The following FBN1 variants were observed in gnomAD, a reference collection of about 807,000 sequenced individuals.
FBN1 encodes fibrillin-1.
Under a neutral mutation model 365.1 loss-of-function variants are expected in FBN1, and 29 were observed. The ratio of observed to expected loss-of-function variants is 0.08; its 90% confidence interval spans 0.06 to 0.11. The LOEUF is 0.11. Among genes scored for constraint, FBN1 ranks in the 10% least tolerant of loss-of-function variants. The pLI, the probability that FBN1 is intolerant of heterozygous loss-of-function variation, is 1.00. For synonymous variants in FBN1, 1,210 were observed against 1,270.5 expected (o/e 0.95, Z 1.01); for missense variants, 2,476 against 3,703.2 (o/e 0.67, Z 8.60).
In FBN1 at chr15:48,629,685, T is replaced by C. The variant is rs891667682; in HGVS notation, c.164+14921A>G. On this transcript the variant is annotated intron_variant, in intron 2 of 65. Transcript: ENST00000316623. Reference sequence around the variant, plus strand: ...GAGAGAAGAAGTAGATAAAACAAGATTGACCATTAATTGATAAATGCTGAA... The same window carrying C: ...GAGAGAAGAAGTAGATAAAACAAGACTGACCATTAATTGATAAATGCTGAA... Among the ~76,000 whole-genome samples the C allele has an allele frequency of 3.9e-5, 6 of 152,202 alleles. 1 individual carries two copies. The highest frequency in any genetic ancestry group is 6.5e-5 in the Admixed American group (1 of 15,278).
intron 2 of FBN1, among the ~76,000 whole-genome samples, chr15:48,624,978 T>TA (rs1294211145): frequency 1.3e-5 from 2 of 152,124 alleles, no homozygotes; most frequent in Non-Finnish European, 2.9e-5. Context: ...AGGGAGATAA[T>TA]ATCTTCTGAA....
At chr15:48,571,762 T>A (rs972516931) in intron 6 of FBN1, among the ~76,000 whole-genome samples, 1 of 152,138 alleles carries the variant, frequency 6.6e-6, no homozygotes, top group Non-Finnish European at 1.5e-5. Context: ...CTCCAACAAT[T>A]TCACTCCATT....
rs202216019 is a variant in FBN1 at position 48,625,530 on chromosome 15, AC to A, written c.165-12439del. On this transcript the variant is annotated intron_variant, in intron 2 of 65. Coordinates refer to ENST00000316623, the MANE Select transcript of FBN1 (RefSeq NM_000138.5). ...CACCCTTCTGGACCCCCTGCATGAG[AC>A]CATCAGGGCCAATACAGGACATCCA... Among the ~76,000 whole-genome samples the A allele has an allele frequency of 6.5e-3, 989 of 152,256 alleles. 10 individuals carry two copies. Among genetic ancestry groups the A allele is most frequent in the African/African-American group, 0.023 (939 of 41,540 alleles).
At chr15:48,640,929 G>A (rs1311927233) in intron 2 of FBN1, 1 of 149,116 alleles carries the variant, frequency 6.7e-6, no homozygotes, top group Non-Finnish European at 1.5e-5. Flanking sequence ...CACACTTTTT[G>A]CCTAATCACC....
At chr15:48,415,117 A>T (rs2042891937) in intron 64 of FBN1, among the ~76,000 whole-genome samples, 1 of 152,148 alleles carries the variant, frequency 6.6e-6, no homozygotes, top group South Asian at 2.1e-4. Context: ...ACTTATTCTA[A>T]CAGGAGCTAG....
intron 29 of FBN1, among the ~76,000 whole-genome samples, chr15:48,486,609 T>C (rs925165088): frequency 1.3e-5 from 2 of 152,232 alleles, no homozygotes; most frequent in Non-Finnish European, 2.9e-5. Flanking sequence ...AGTTATTTTT[T>C]TGAAATCTTT....
intron 2 of FBN1, among the ~76,000 whole-genome samples, chr15:48,639,530 A>G (rs1196561284): frequency 6.6e-6 from 1 of 152,210 alleles, no homozygotes; most frequent in East Asian, 1.9e-4. Context: ...CCTTCCACAG[A>G]ACTAAACTCA....
At chr15:48,520,280 T>C (rs145691643) in intron 10 of FBN1, among the ~76,000 whole-genome samples, 2,579 of 151,420 alleles carry the variant, frequency 0.017, 26 homozygotes, top group Non-Finnish European at 0.025. Context: ...AAGAGTCCAA[T>C]GTTAGGAAAA....
intron 48 of FBN1, among the ~76,000 whole-genome samples, chr15:48,445,157 CATATATATAT>C (rs1023878846): frequency 7.4e-5 from 10 of 135,272 alleles, no homozygotes; most frequent in South Asian, 2.5e-4. Context: ...TATATATATA[CATATATATAT>C]ACACACATAT....
chr15:48,418,299 A>G (rs978786591), intron 63 of FBN1, among the ~76,000 whole-genome samples: 2 of 152,152 alleles, frequency 1.3e-5, no homozygotes, highest in Non-Finnish European at 2.9e-5. Context: ...GGTTCTTTTT[A>G]ACTTTGAGCA....
At chr15:48,446,552 G>A (rs1041689799) in intron 47 of FBN1, among the ~76,000 whole-genome samples, 154 bp downstream of exon 47, 3 of 152,156 alleles carry the variant, frequency 2.0e-5, no homozygotes, top group Non-Finnish European at 2.9e-5. Flanking sequence ...ATTTCATGTT[G>A]AGCACATTGT....
intron 64 of FBN1, among the ~76,000 whole-genome samples, chr15:48,414,395 GGT>G (rs1471598657): frequency 1.3e-5 from 2 of 151,970 alleles, no homozygotes; most frequent in Non-Finnish European, 2.9e-5. Flanking sequence ...TGTGTGTGGG[GGT>G]GTGTGTGTAC....
Position 48,644,603 on chromosome 15 carries a change from T to C in FBN1, c.164+3A>G. On this transcript the variant is annotated splice_donor_region_variant and intron_variant, in intron 2 of 65. Coordinates refer to ENST00000316623, the MANE Select transcript of FBN1 (RefSeq NM_000138.5). ...CACCAAAGGAGGGAACCGGTTCCTT[T>C]ACCCTTTAAGCGCGTCGTGTCCTCC... 6.2e-7 allele frequency: 1 copy of C among 1,614,128 alleles called. No individual in the cohort carries two copies. Among genetic ancestry groups the C allele is most frequent in the Non-Finnish European group, 8.5e-7 (1 of 1,180,012 alleles).
intron 2 of FBN1, among the ~76,000 whole-genome samples, chr15:48,636,534 G>T (rs1890095317): frequency 6.6e-6 from 1 of 151,780 alleles, no homozygotes. Flanking sequence ...CTCCCCATTT[G>T]AAAAAAAACA....
intron 15 of FBN1, 127 bp from the exon 16 acceptor site, chr15:48,505,274 A>C (rs1323189138): frequency 2.7e-6 from 3 of 1,104,548 alleles, no homozygotes; most frequent in African/African-American, 1.6e-5. Flanking sequence ...TCAGCAACAA[A>C]AGCTCAAATG....
intron 43 of FBN1, among the ~76,000 whole-genome samples, chr15:48,458,489 TACATC>T (rs1234178134): frequency 6.6e-6 from 1 of 152,220 alleles, no homozygotes; most frequent in East Asian, 1.9e-4. Flanking sequence ...CATATAAAGT[TACATC>T]ACAACTGTGT....
At chr15:48,554,099 T>C (rs557594641) in intron 6 of FBN1, among the ~76,000 whole-genome samples, 1 of 152,372 alleles carries the variant, frequency 6.6e-6, no homozygotes, top group Admixed American at 6.5e-5. Context: ...TTCTAAAAGC[T>C]GTGCTTTCCC....
intron 54 of FBN1, among the ~76,000 whole-genome samples, chr15:48,433,702 C>A (rs1271228161): frequency 3.9e-5 from 6 of 152,192 alleles, no homozygotes; most frequent in African/African-American, 4.8e-5. Flanking sequence ...ATGTTGCTCC[C>A]CAAGGCCAGT....
intron 2 of FBN1, 56 bp from the exon 3 acceptor site, chr15:48,613,148 T>C (rs1475767936): frequency 2.2e-6 from 3 of 1,378,162 alleles, no homozygotes; most frequent in Non-Finnish European, 3.1e-6. Context: ...GAGGAAGAGA[T>C]GGCCAAATAA....
Sources: gnomAD v4.1 joint callset for allele counts (sites outside exome capture counted in the v4.1 genomes callset) on GRCh38, gnomAD v4.1.1 for gene constraint, MANE v1.5 for transcripts, NCBI Gene and HGNC (gene_info 2026-07-23, HGNC 2026-07-21) for gene names.